ZFHX3: variants seen among roughly 807,000 people sequenced by gnomAD.
ZFHX3 encodes the protein zinc finger homeobox protein 3.
ZFHX3 carries 42 observed loss-of-function variants against 279.1 expected under a neutral mutation model. The observed-to-expected ratio is 0.15, with a 90% CI of 0.12 to 0.19. The LOEUF is 0.19. ZFHX3 is among the 10% of genes least tolerant of loss of function. ZFHX3 has a pLI of 1.00. For missense variants in ZFHX3, 4,981 were observed against 4,754.0 expected (o/e 1.05, Z -1.40); for synonymous variants, 2,293 against 1,957.8 (o/e 1.17, Z -4.52).
chr16:73,634,275 A>G (rs968041449), intron 2 of ZFHX3, among the ~76,000 whole-genome samples: 1 of 151,692 alleles, frequency 6.6e-6, no homozygotes, highest in Non-Finnish European at 1.5e-5. Flanking sequence ...CCAAAAAGGG[A>G]TGAATTCTAC....
At chr16:72,947,756 G>C (rs986373439) in intron 3 of ZFHX3, among the ~76,000 whole-genome samples, 1 of 152,124 alleles carries the variant, frequency 6.6e-6, no homozygotes, top group Non-Finnish European at 1.5e-5. Flanking sequence ...TGAGAAGCCC[G>C]GTCAGCTCCC....
At chr16:73,202,426 T>C (rs112766742) in intron 5 of ZFHX3, among the ~76,000 whole-genome samples, 37 of 152,310 alleles carry the variant, frequency 2.4e-4, no homozygotes, top group African/African-American at 8.9e-4. Context: ...CCAGGGTGAA[T>C]AGCTCAAAGA....
intron 5 of ZFHX3, among the ~76,000 whole-genome samples, chr16:73,222,607 T>C (rs896707989): frequency 3.3e-5 from 5 of 152,114 alleles, no homozygotes; most frequent in African/African-American, 9.6e-5. Flanking sequence ...TGTTCATGGA[T>C]ACAAAGACTC....
At chr16:73,398,124 C>T (rs540174301) in intron 3 of ZFHX3, among the ~76,000 whole-genome samples, 2 of 152,300 alleles carry the variant, frequency 1.3e-5, no homozygotes, top group Admixed American at 6.5e-5. Flanking sequence ...GGATTACAGG[C>T]GTGAGCCACT....
chr16:73,843,027 G>T (rs1282028466), intron 1 of ZFHX3, among the ~76,000 whole-genome samples: 1 of 152,188 alleles, frequency 6.6e-6, no homozygotes, highest in Non-Finnish European at 1.5e-5. Flanking sequence ...ATAAAGGACT[G>T]TCTGATTTCT....
intron 3 of ZFHX3, among the ~76,000 whole-genome samples, chr16:73,394,543 T>C (rs2017088904): frequency 6.6e-6 from 1 of 152,118 alleles, no homozygotes; most frequent in Non-Finnish European, 1.5e-5. Flanking sequence ...GTGATCCGCC[T>C]GCCTCGGCCT....
chr16:73,682,017 G>A (rs887564987), intron 1 of ZFHX3, among the ~76,000 whole-genome samples: 12 of 149,828 alleles, frequency 8.0e-5, no homozygotes, highest in African/African-American at 3.1e-4. Flanking sequence ...AGCCCTTAAC[G>A]GAATGTCTGA....
At chr16:73,514,923 A>G (rs533638836) in intron 2 of ZFHX3, among the ~76,000 whole-genome samples, 11 of 152,032 alleles carry the variant, frequency 7.2e-5, no homozygotes, top group Non-Finnish European at 1.5e-4. Flanking sequence ...TCTCTCCCCC[A>G]CATATGCGGT....
intron 1 of ZFHX3, among the ~76,000 whole-genome samples, chr16:73,803,565 TAATAA>T (rs1960194517): frequency 6.6e-6 from 1 of 152,224 alleles, no homozygotes; most frequent in African/African-American, 2.4e-5. Context: ...CACAAATATA[TAATAA>T]AATATGTAGA....
intron 1 of ZFHX3, among the ~76,000 whole-genome samples, chr16:73,696,456 G>A (rs935948230): frequency 1.3e-5 from 2 of 152,148 alleles, no homozygotes; most frequent in African/African-American, 4.8e-5. Context: ...CTTGAGCCAA[G>A]GAAACAGTGT....
intron 3 of ZFHX3, among the ~76,000 whole-genome samples, chr16:73,453,616 CA>C (rs1282951639): frequency 2.0e-5 from 3 of 152,186 alleles, no homozygotes; most frequent in Non-Finnish European, 2.9e-5. Context: ...TCAGACAGTC[CA>C]GCCCCGTGGA....
chr16:72,888,332 C>T (rs527977097), intron 4 of ZFHX3, among the ~76,000 whole-genome samples: 34 of 152,222 alleles, frequency 2.2e-4, no homozygotes, highest in African/African-American at 7.9e-4. Flanking sequence ...TTGGCCAGGC[C>T]GTTAGACAAG....
chr16:73,358,255 T>C (rs928897172), intron 3 of ZFHX3, among the ~76,000 whole-genome samples: 4 of 152,236 alleles, frequency 2.6e-5, no homozygotes, highest in Non-Finnish European at 5.9e-5. Flanking sequence ...CTGGACTTAG[T>C]GAACCACTTC....
At chr16:72,967,292 C>T (rs1466218902) in intron 1 of ZFHX3, among the ~76,000 whole-genome samples, 1 of 152,118 alleles carries the variant, frequency 6.6e-6, no homozygotes, top group African/African-American at 2.4e-5. Context: ...CTCGGAGCAT[C>T]TACTTGTGCT....
intron 5 of ZFHX3, among the ~76,000 whole-genome samples, chr16:73,230,003 C>G (rs926649115): frequency 4.0e-5 from 6 of 151,860 alleles, no homozygotes; most frequent in Non-Finnish European, 8.8e-5. Context: ...GATAGAAAAG[C>G]AGATAGATGG....
intron 3 of ZFHX3, among the ~76,000 whole-genome samples, chr16:72,935,804 T>C (rs1390937978): frequency 6.6e-6 from 1 of 151,268 alleles, no homozygotes; most frequent in East Asian, 1.9e-4. Context: ...CTACCTAATA[T>C]CCCCAAGACC....
chr16:72,994,393 C>T (rs1445040230), intron 1 of ZFHX3, among the ~76,000 whole-genome samples: 4 of 152,208 alleles, frequency 2.6e-5, no homozygotes, highest in South Asian at 2.1e-4. Flanking sequence ...GGAATGACTT[C>T]CCCTCCCCAA....
chr16:73,692,906 A>G (rs114849851), intron 1 of ZFHX3, among the ~76,000 whole-genome samples: 283 of 152,378 alleles, frequency 1.9e-3, no homozygotes, highest in African/African-American at 6.5e-3. Context: ...AATTTTATAA[A>G]TAGTTTTGAA....
intron 7 of ZFHX3, among the ~76,000 whole-genome samples, chr16:72,803,675 T>A (rs890008229): frequency 6.6e-6 from 1 of 152,196 alleles, no homozygotes; most frequent in African/African-American, 2.4e-5. Context: ...CACCTACACT[T>A]TCTACATTGA....
Sources: gnomAD v4.1 joint callset for allele counts (sites outside exome capture counted in the v4.1 genomes callset) on GRCh38, gnomAD v4.1.1 for gene constraint, MANE v1.5 for transcripts, NCBI Gene and HGNC (gene_info 2026-07-23, HGNC 2026-07-21) for gene names.